Variants in TUBGCP3 observed in about 807,000 individuals in gnomAD.
TUBGCP3 encodes the protein tubulin gamma complex component 3.
In TUBGCP3, 50 loss-of-function variants were observed where a neutral mutation model predicts 123.1. That is an observed-to-expected ratio of 0.41 (90% CI 0.32 to 0.51). TUBGCP3 has a LOEUF of 0.51. Ranked by LOEUF, TUBGCP3 falls within the 20% of genes least tolerant of loss-of-function variation. The pLI, the probability that TUBGCP3 is intolerant of heterozygous loss-of-function variation, is 0.36. For missense variants in TUBGCP3, 882 were observed against 1,127.0 expected (o/e 0.78, Z 3.11); for synonymous variants, 405 against 413.9 (o/e 0.98, Z 0.26).
At chr13:112,528,151 A>T (rs991677097) in intron 11 of TUBGCP3, among the ~76,000 whole-genome samples, 10 of 152,230 alleles carry the variant, frequency 6.6e-5, no homozygotes, top group Non-Finnish European at 1.5e-5. Flanking sequence ...AAGGAAACTG[A>T]GCAGTAAGGA....
At chr13:112,520,531 A>T (rs1876531441) in intron 14 of TUBGCP3, among the ~76,000 whole-genome samples, 1 of 152,120 alleles carries the variant, frequency 6.6e-6, no homozygotes, top group African/African-American at 2.4e-5. Context: ...CTCCATCTCA[A>T]AAAAAAGAAA....
rs1878922158 is a variant in TUBGCP3 at position 112,545,606 on chromosome 13, G to C, written c.1335+93C>G. The C allele has an allele frequency of 2.1e-5, 30 of 1,449,766 alleles. 1 individual carries two copies. The South Asian group carries it at 3.5e-4, about 17-fold the overall frequency. 89.8% of individuals were successfully genotyped at this position (1,449,766 alleles called of 1,614,324 possible). A position where few individuals can be genotyped will look rare whatever the true frequency, so the allele number is the denominator to read the frequency against. Reference sequence around the variant, plus strand: ...AAGTGCAGTTGCATTCCTGTTAGGAGAACATGGTAATCATGAGGGGAAAAA... The same window carrying C: ...AAGTGCAGTTGCATTCCTGTTAGGACAACATGGTAATCATGAGGGGAAAAA... On this transcript the variant is annotated intron_variant, in intron 11 of 21. Coordinates refer to ENST00000261965, the MANE Select transcript of TUBGCP3 (RefSeq NM_006322.6). This position sits in a 1 kb window ranked among gnomAD's most constrained non-coding sequence, Gnocchi z 4.1.
chr13:112,601,607 G>C, the TUBGCP3 span, among the ~76,000 whole-genome samples: 2 of 152,142 alleles, frequency 1.3e-5, no homozygotes, highest in Non-Finnish European at 2.9e-5. Context: ...CACTCTCGAA[G>C]GTCAAGACCT....
chr13:112,585,747 G>A (rs1882563671), intron 1 of TUBGCP3, among the ~76,000 whole-genome samples: 1 of 152,006 alleles, frequency 6.6e-6, no homozygotes, highest in Non-Finnish European at 1.5e-5. Context: ...CAGCCTAGGT[G>A]ACAGAGCAAG....
chr13:112,588,027 C>G lies in TUBGCP3; in HGVS notation c.-47G>C. On this transcript the variant is annotated 5_prime_UTR_variant, in exon 1 of 22. Transcript: ENST00000261965. ...GTGGTCCGGGCAGAGCCGCCACTGC[C>G]GCCGCACGCGCAGGGACCGCGGCCC... The G allele has an allele frequency of 2.2e-6, 3 of 1,382,818 alleles. No individual in the cohort carries two copies. Among genetic ancestry groups the G allele is most frequent in the Non-Finnish European group, 2.9e-6 (3 of 1,052,220 alleles). The allele number at this position is 1,382,818 out of a possible 1,614,324, so 85.7% of individuals were successfully genotyped here. A position where few individuals can be genotyped will look rare whatever the true frequency, so the allele number is the denominator to read the frequency against.
chr13:112,487,804 C>A (rs1879779342), intron 21 of TUBGCP3, among the ~76,000 whole-genome samples: 1 of 152,102 alleles, frequency 6.6e-6, no homozygotes, highest in Admixed American at 6.5e-5. Flanking sequence ...GGACAACGTT[C>A]CTCCTTAGTT....
intron 20 of TUBGCP3, among the ~76,000 whole-genome samples, chr13:112,494,577 G>A (rs1275597952): frequency 6.6e-6 from 1 of 152,188 alleles, no homozygotes; most frequent in Non-Finnish European, 1.5e-5. Context: ...CTTTCCTTGA[G>A]CCACACCACT....
chr13:112,512,515 C>T (rs2139034293), intron 17 of TUBGCP3, among the ~76,000 whole-genome samples: 1 of 151,816 alleles, frequency 6.6e-6, no homozygotes, highest in East Asian at 1.9e-4. Flanking sequence ...GGGCAGATCA[C>T]CTTAGGCCAG....
the TUBGCP3 span, among the ~76,000 whole-genome samples, chr13:112,599,785 C>A: frequency 6.6e-6 from 1 of 152,130 alleles, no homozygotes; most frequent in Non-Finnish European, 1.5e-5. Flanking sequence ...TCCCAAAGTG[C>A]TGGGATTACA....
At chr13:112,548,247 T>C in intron 8 of TUBGCP3, 71 bp from the exon 9 acceptor site, 1 of 1,246,240 alleles carries the variant, frequency 8.0e-7, no homozygotes, top group Non-Finnish European at 1.1e-6. Flanking sequence ...AGTGGAAAGG[T>C]ATAATGCGTT....
the TUBGCP3 span, among the ~76,000 whole-genome samples, chr13:112,596,362 C>T: frequency 6.6e-6 from 1 of 152,148 alleles, no homozygotes; most frequent in East Asian, 1.9e-4. Context: ...TCCTTTCATT[C>T]CTGAAGACTA....
chr13:112,527,482 AAAC>A lies in TUBGCP3; in HGVS notation c.1336-1_1337del. On this transcript the variant is annotated splice_acceptor_variant and coding_sequence_variant, in exon 12 of 22. Transcript: ENST00000261965. LOFTEE classifies it high-confidence loss of function. Reference sequence around the variant, plus strand: ...TAACTGTTGGATCTGATGCTACAAAAAACTGAAAGCAAAGGGGCATGGAAATGT... The same window carrying A: ...TAACTGTTGGATCTGATGCTACAAAATGAAAGCAAAGGGGCATGGAAATGT... 1 of 1,609,630 alleles carries A rather than the reference AAAC, an allele frequency of 6.2e-7. No individual in the cohort carries two copies.
At chr13:112,543,073 C>A (rs1373208775) in intron 11 of TUBGCP3, among the ~76,000 whole-genome samples, 1 of 152,128 alleles carries the variant, frequency 6.6e-6, no homozygotes, top group Non-Finnish European at 1.5e-5. Context: ...CTGCTTGAAC[C>A]CCAGAGGTGG....
Position 112,492,768 on chromosome 13 carries a change from CCT to C in TUBGCP3, c.2449-3073_2449-3072del, listed in dbSNP as rs79448330. On this transcript the variant is annotated intron_variant, in intron 20 of 21. Transcript: ENST00000261965. Reference sequence around the variant, plus strand: ...AGCTATGGGAACATGGCCTGGTGTCCCTGAGACGCTCTAGCTATGGGAACATG... The same window carrying C: ...AGCTATGGGAACATGGCCTGGTGTCCGAGACGCTCTAGCTATGGGAACATG... Among the ~76,000 whole-genome samples the C allele has an allele frequency of 2.0e-4, 30 of 150,114 alleles. No homozygotes were observed. In the East Asian group the frequency reaches 4.9e-3, roughly 24 times the overall value.
chr13:112,502,543 T>TTC (rs1880991477), intron 19 of TUBGCP3, among the ~76,000 whole-genome samples: 6 of 43,264 alleles, frequency 1.4e-4, no homozygotes, highest in African/African-American at 5.2e-4. Context: ...ACATTTCTTC[T>TTC]TTTTTTTTTT....
rs1256154955 is a variant in TUBGCP3 at position 112,545,916 on chromosome 13, G to T, written c.1169-51C>A. 7 of 1,576,718 alleles carry T rather than the reference G, an allele frequency of 4.4e-6. No homozygotes were observed. In the African/African-American group the frequency reaches 8.1e-5, roughly 18 times the overall value. On this transcript the variant is annotated intron_variant, in intron 10 of 21. Transcript: ENST00000261965. This position sits in a 1 kb window ranked among gnomAD's most constrained non-coding sequence, Gnocchi z 4.1. Reference sequence around the variant, plus strand: ...AAAAACATCCACATTTACACTCATAGTACACACCAGTCACTTCTCACCAAC... The same window carrying T: ...AAAAACATCCACATTTACACTCATATTACACACCAGTCACTTCTCACCAAC...
At chr13:112,515,094 T>C (rs1875995554) in intron 17 of TUBGCP3, among the ~76,000 whole-genome samples, 1 of 152,126 alleles carries the variant, frequency 6.6e-6, no homozygotes. Flanking sequence ...AGAAAACTGA[T>C]CAAAAAATTT....
the TUBGCP3 span, among the ~76,000 whole-genome samples, chr13:112,599,406 C>T: frequency 4.7e-3 from 720 of 152,222 alleles, 7 homozygotes; most frequent in African/African-American, 0.017. Context: ...TCTATTCTCC[C>T]TCATTTATTT....
intron 4 of TUBGCP3, among the ~76,000 whole-genome samples, chr13:112,558,649 ACT>A (rs1383977377): frequency 6.6e-6 from 1 of 152,066 alleles, no homozygotes; most frequent in African/African-American, 2.4e-5. Flanking sequence ...CTAAACACTC[ACT>A]CTGATCCAAG....
Sources: allele counts gnomAD v4.1 joint callset (sites outside exome capture counted in the v4.1 genomes callset), GRCh38; gene constraint gnomAD v4.1.1; non-coding constraint Gnocchi (gnomAD v3.1); transcripts MANE v1.5; gene names NCBI Gene and HGNC (gene_info 2026-07-23, HGNC 2026-07-21).